The following PHF21B variants were observed in gnomAD, a reference collection of about 807,000 sequenced individuals.
The protein encoded by PHF21B is PHD finger protein 4.
In PHF21B, 22 loss-of-function variants were observed where a neutral mutation model predicts 62.2. The ratio of observed to expected loss-of-function variants is 0.35; its 90% CI spans 0.25 to 0.51. The LOEUF (loss-of-function observed/expected upper bound fraction) is 0.51. Among genes scored for constraint, PHF21B ranks in the 20% least tolerant of loss-of-function variants. PHF21B has a pLI of 0.97. For synonymous variants in PHF21B, 341 were observed against 314.7 expected (o/e 1.08, Z -0.88); for missense variants, 701 against 707.9 (o/e 0.99, Z 0.11).
At chr22:44,894,661 G>A (rs1248271917) in intron 6 of PHF21B, among the ~76,000 whole-genome samples, 1 of 152,196 alleles carries the variant, frequency 6.6e-6, no homozygotes, top group Non-Finnish European at 1.5e-5. Context: ...CACGCAGAAG[G>A]GTGAGGAAGG....
chr22:44,952,849 G>A (rs2072220708), intron 2 of PHF21B, among the ~76,000 whole-genome samples: 1 of 152,176 alleles, frequency 6.6e-6, no homozygotes, highest in Non-Finnish European at 1.5e-5. Context: ...GATTCTCAGT[G>A]ACAGAGAGCT....
At chr22:44,942,260 C>A (rs987453879) in intron 2 of PHF21B, among the ~76,000 whole-genome samples, 16 of 152,142 alleles carry the variant, frequency 1.1e-4, no homozygotes. Context: ...TCCAGGCCAC[C>A]GGGACAGTGT....
chr22:44,995,776 T>G, intron 2 of PHF21B, among the ~76,000 whole-genome samples: 1 of 151,532 alleles, frequency 6.6e-6, no homozygotes, highest in Non-Finnish European at 1.5e-5. Flanking sequence ...AGGAAATTAC[T>G]AGATGACCCC....
intron 12 of PHF21B, among the ~76,000 whole-genome samples, chr22:44,884,755 CCAT>C (rs1184717626): frequency 7.1e-5 from 8 of 113,210 alleles, no homozygotes; most frequent in Admixed American, 1.8e-4. Context: ...ATCAGCACCA[CCAT>C]CATTACCACC....
chr22:44,944,766 AGTGAATGG>A (rs1300108281), intron 2 of PHF21B, among the ~76,000 whole-genome samples: 7 of 152,184 alleles, frequency 4.6e-5, no homozygotes, highest in Admixed American at 1.3e-4. Context: ...CTGATGAGTG[AGTGAATGG>A]GTGAATGGAG....
intron 3 of PHF21B, 147 bp downstream of exon 3, chr22:44,920,250 GA>G (rs1276786062): frequency 2.1e-5 from 10 of 484,560 alleles, no homozygotes; most frequent in Non-Finnish European, 2.9e-5. Flanking sequence ...AGAATGGATA[GA>G]AGAGGTAAGA....
intron 10 of PHF21B, among the ~76,000 whole-genome samples, 177 bp from the exon 11 acceptor site, chr22:44,886,115 G>A (rs1444868101): frequency 6.6e-6 from 1 of 152,138 alleles, no homozygotes; most frequent in Non-Finnish European, 1.5e-5. Context: ...GGGCTACACA[G>A]CTCCACGAGG....
chr22:45,008,389 AG>A (rs2073365086), intron 2 of PHF21B, 155 bp downstream of exon 2: 5 of 621,670 alleles, frequency 8.0e-6, no homozygotes, highest in African/African-American at 5.8e-5. Flanking sequence ...CTTTCTTTCC[AG>A]GAAAGGGGAG....
intron 2 of PHF21B, among the ~76,000 whole-genome samples, chr22:44,932,314 G>C (rs1175930228): frequency 6.6e-6 from 1 of 152,198 alleles, no homozygotes; most frequent in Non-Finnish European, 1.5e-5. Flanking sequence ...AAAAACACAA[G>C]TGGTTGGTAC....
chr22:44,987,545 C>T (rs1284743147), intron 2 of PHF21B, among the ~76,000 whole-genome samples: 1 of 152,124 alleles, frequency 6.6e-6, no homozygotes, highest in Non-Finnish European at 1.5e-5. Context: ...AAGGGTCCAA[C>T]GTGGGACCTG....
At chr22:44,974,603 G>A (rs1308655709) in intron 2 of PHF21B, among the ~76,000 whole-genome samples, 1 of 152,222 alleles carries the variant, frequency 6.6e-6, no homozygotes, top group Admixed American at 6.5e-5. Context: ...TGACCACAGC[G>A]GGTCACTTCC....
intron 2 of PHF21B, among the ~76,000 whole-genome samples, chr22:44,947,571 C>A (rs1271102651): frequency 6.6e-6 from 1 of 151,994 alleles, no homozygotes. Flanking sequence ...AGAGCACTCA[C>A]CGCAGCCCCG....
intron 3 of PHF21B, among the ~76,000 whole-genome samples, chr22:44,919,339 C>A (rs2071494560): frequency 6.6e-6 from 1 of 152,236 alleles, no homozygotes; most frequent in South Asian, 2.1e-4. Flanking sequence ...CAAATTCAAA[C>A]CTTCTTAAAA....
intron 5 of PHF21B, among the ~76,000 whole-genome samples, chr22:44,906,039 A>G (rs2071244068): frequency 6.6e-6 from 1 of 152,264 alleles, no homozygotes; most frequent in Admixed American, 6.5e-5. Context: ...CTCTTACCCA[A>G]GGAATTCTTG....
rs146962261 is a variant in PHF21B, at chr22:44,906,797, G to A, written c.831+7025C>T. Among the ~76,000 whole-genome samples, 5 of 152,318 alleles carry A rather than the reference G, an allele frequency of 3.3e-5. No individual in the cohort carries two copies. In the East Asian group the frequency reaches 7.7e-4, roughly 24 times the overall value. On this transcript the variant is annotated intron_variant, in intron 5 of 12. Coordinates refer to ENST00000313237, the MANE Select transcript of PHF21B (RefSeq NM_138415.5). ...CTACTGTGCAGCCGCCGTGACGACA[G>A]GGGGAGAAGGAAGGGGAAGCACAGT...
chr22:44,916,991 T>C (rs1460216472), intron 3 of PHF21B, among the ~76,000 whole-genome samples: 1 of 152,190 alleles, frequency 6.6e-6, no homozygotes, highest in Admixed American at 6.5e-5. Context: ...CAAAGCCCCC[T>C]TTGGCCTTGG....
intron 2 of PHF21B, among the ~76,000 whole-genome samples, chr22:44,930,810 G>A (rs1350466847): frequency 6.6e-6 from 1 of 152,242 alleles, no homozygotes; most frequent in African/African-American, 2.4e-5. Context: ...GGGCGCAAGG[G>A]CGGCACCCCC....
chr22:44,926,350 G>A (rs920952378), intron 2 of PHF21B, among the ~76,000 whole-genome samples: 2 of 152,270 alleles, frequency 1.3e-5, no homozygotes, highest in African/African-American at 4.8e-5. Context: ...CCCCGGGGAG[G>A]AGAAATTTCC....
In PHF21B at chr22:45,009,695, A is replaced by C; in HGVS notation, c.-146T>G. The C allele has an allele frequency of 2.2e-5, 15 of 688,752 alleles. No individual in the cohort carries two copies. The highest frequency in any genetic ancestry group is 4.2e-4 in the Middle Eastern group (1 of 2,364). 42.7% of individuals were successfully genotyped at this position (688,752 alleles called of 1,614,324 possible). On this transcript the variant is annotated 5_prime_UTR_variant, in exon 1 of 13. Coordinates refer to ENST00000313237, the MANE Select transcript of PHF21B (RefSeq NM_138415.5). The surrounding 1 kb of genome is among the most constrained non-coding windows in gnomAD (Gnocchi z 5.9). ...CACGAGCCCCCTCCCCCACGGCCGAAAGGGAAGGGGGCTGGCGAAGGGGAA... is the reference window on the plus strand; with the variant it reads ...CACGAGCCCCCTCCCCCACGGCCGACAGGGAAGGGGGCTGGCGAAGGGGAA...
Sources: gnomAD v4.1 joint callset for allele counts (sites outside exome capture counted in the v4.1 genomes callset) on GRCh38, gnomAD v4.1.1 for gene constraint, Gnocchi (gnomAD v3.1) non-coding constraint, MANE v1.5 for transcripts, NCBI Gene and HGNC (gene_info 2026-07-23, HGNC 2026-07-21) for gene names.